GALNT3: variants seen among roughly 807,000 people sequenced by gnomAD.
GALNT3 encodes GalNAc transferase 3.
GALNT3 carries 51 observed loss-of-function variants against 69.8 expected under a neutral mutation model. The ratio of observed to expected loss-of-function variants is 0.73; its 90% CI spans 0.58 to 0.92. The LOEUF (loss-of-function observed/expected upper bound fraction) is 0.92. Among genes scored for constraint, GALNT3 ranks in the 40% least tolerant of loss-of-function variants. The pLI is 0.00. For synonymous variants in GALNT3, 265 were observed against 248.5 expected (o/e 1.07, Z -0.63); for missense variants, 711 against 760.0 (o/e 0.94, Z 0.76).
chr2:165,770,798 A>G lies in GALNT3; in HGVS notation c.-98T>C, dbSNP rs1380162916. ...GATTTGCTGAGAAGAAGGTATCTTT[A>G]ATGGTAGTACCTATAAACAGAAATG... On this transcript the variant is annotated 5_prime_UTR_variant, in exon 2 of 11. Transcript: ENST00000392701. 2.3e-6 allele frequency: 3 copies of G among 1,331,196 alleles called. No individual in the cohort carries two copies. Among genetic ancestry groups the G allele is most frequent in the Non-Finnish European group, 2.1e-6 (2 of 956,490 alleles). 82.5% of individuals were successfully genotyped at this position (1,331,196 alleles called of 1,614,324 possible). A position where few individuals can be genotyped will look rare whatever the true frequency, so the allele number is the denominator to read the frequency against.
intron 9 of GALNT3, among the ~76,000 whole-genome samples, chr2:165,752,623 A>G (rs984029803): frequency 1.3e-5 from 2 of 152,216 alleles, no homozygotes; most frequent in African/African-American, 4.8e-5. Flanking sequence ...TCTTTATGAA[A>G]ATGATAACAG....
intron 2 of GALNT3, among the ~76,000 whole-genome samples, chr2:165,766,594 G>A (rs1025567967): frequency 1.7e-4 from 12 of 70,586 alleles, no homozygotes; most frequent in Non-Finnish European, 4.7e-4. Flanking sequence ...ATAAAACTGT[G>A]TGAGGTTTAT....
In GALNT3 at chr2:165,770,645, T is replaced by C. The variant is rs1164655758; in HGVS notation, c.56A>G (p.Lys19Arg). ...AATTACTGCACCAAGCTTCCAGAAC[T>C]TTTTATGGTAATGTCTTTTAATGTG... ...KLHIKRHYHK[K>R]FWKLGAVIFF... The change falls in exon 2 of 11, where the codon AAG becomes AGG. Residue 19 changes from lysine to arginine, a missense_variant. Coordinates refer to ENST00000392701, the MANE Select transcript of GALNT3 (RefSeq NM_004482.4). 6.2e-7 allele frequency: 1 copy of C among 1,601,042 alleles called. No homozygotes were observed. Among genetic ancestry groups the C allele is most frequent in the East Asian group, 2.2e-5 (1 of 44,790 alleles).
At chr2:165,792,260 T>A (rs1258135705) in intron 1 of GALNT3, among the ~76,000 whole-genome samples, 2 of 152,250 alleles carry the variant, frequency 1.3e-5, no homozygotes, top group Non-Finnish European at 2.9e-5. Context: ...TAGATTAAGT[T>A]ACACTGTTAC....
chr2:165,786,336 T>C (rs75487537), intron 1 of GALNT3, among the ~76,000 whole-genome samples: 1,571 of 152,288 alleles, frequency 0.01, 12 homozygotes, highest in African/African-American at 0.025. Context: ...TTATTGTTGT[T>C]GGAAGTCTTT....
rs1688734429 is a variant in GALNT3, at chr2:165,770,580, CT to C, written c.120del (p.Val41Ter). The C allele has an allele frequency of 5.6e-6, 9 of 1,610,960 alleles. No individual in the cohort carries two copies. Among genetic ancestry groups the C allele is most frequent in the Non-Finnish European group, 7.6e-6 (9 of 1,178,494 alleles). On this transcript the variant is annotated frameshift_variant, in exon 2 of 11. Transcript: ENST00000392701. LOFTEE classifies it high-confidence loss of function. ...FIIVLVLMQR[E>X]VSVQYSKEES... Reference sequence around the variant, plus strand: ...TCCTCTTTGGAATATTGAACACTTACTTCTCTTTGCATTAAAACCAAAACTA... The same window carrying C: ...TCCTCTTTGGAATATTGAACACTTACTCTCTTTGCATTAAAACCAAAACTA...
intron 1 of GALNT3, among the ~76,000 whole-genome samples, chr2:165,791,902 G>GTAAA (rs1683361206): frequency 6.6e-6 from 1 of 152,098 alleles, no homozygotes; most frequent in African/African-American, 2.4e-5. Context: ...AGAAATGAGG[G>GTAAA]TAAATCAGAG....
intron 1 of GALNT3, among the ~76,000 whole-genome samples, chr2:165,781,917 G>T (rs1297338722): frequency 6.6e-6 from 1 of 152,080 alleles, no homozygotes; most frequent in Non-Finnish European, 1.5e-5. Context: ...TAAATTGGCA[G>T]AAAAAGATAT....
intron 3 of GALNT3, among the ~76,000 whole-genome samples, chr2:165,764,031 T>G (rs1422341414): frequency 6.6e-6 from 1 of 152,228 alleles, no homozygotes. Flanking sequence ...GGAATAAATT[T>G]TGTAATCATT....
At chr2:165,758,904 A>C (rs902770019) in intron 5 of GALNT3, 40 bp from the exon 6 acceptor site, 11 of 1,134,898 alleles carry the variant, frequency 9.7e-6, no homozygotes, top group Admixed American at 8.6e-5. Context: ...TATAAAAACT[A>C]AACAAGATAA....
chr2:165,772,493 G>A (rs910600147), intron 1 of GALNT3, among the ~76,000 whole-genome samples: 1 of 148,132 alleles, frequency 6.8e-6, no homozygotes, highest in Non-Finnish European at 1.5e-5. Context: ...GCTGAGGTGG[G>A]AGGATGGCTT....
rs1014084427 is a variant in GALNT3, at chr2:165,750,040, G to A, written c.1627-146C>T. On this transcript the variant is annotated intron_variant, in intron 9 of 10. Transcript: ENST00000392701. ...ATAAAAATAGTTATTAGAAACATAA[G>A]CTGAGTTTTTGTGATAGACGATACA... 3.6e-5 allele frequency: 29 copies of A among 798,546 alleles called. No homozygotes were observed. The Admixed American group carries it at 5.9e-4, about 16-fold the overall frequency. 49.5% of individuals were successfully genotyped at this position (798,546 alleles called of 1,614,324 possible).
At chr2:165,773,639 T>A (rs1250669005) in intron 1 of GALNT3, among the ~76,000 whole-genome samples, 1 of 152,082 alleles carries the variant, frequency 6.6e-6, no homozygotes, top group Admixed American at 6.5e-5. Flanking sequence ...TATATGGGAC[T>A]GGAAATTAGG....
rs1319196597 is a variant in GALNT3 at position 165,759,374 on chromosome 2, A to T, written c.1035T>A (p.His345Gln). ...TTTCATCTTTCCTTCTTTGCTTCTC[A>T]TGATCAGGAAGCGACTCCCAGCCAA... ...LSFGWESLPD[H>Q]EKQRRKDETY... The change falls in exon 5 of 11, where the codon CAT becomes CAA. Residue 345 changes from histidine (H) to glutamine (Q), a missense_variant. Transcript: ENST00000392701. 19 of 1,613,752 alleles carry T rather than the reference A, an allele frequency of 1.2e-5. No homozygotes were observed. The highest frequency in any genetic ancestry group is 1.6e-5 in the Non-Finnish European group (19 of 1,179,806).
At chr2:165,794,628 A>G (rs1683426846), upstream of GALNT3, 1 of 152,266 alleles carries the variant, frequency 6.6e-6, no homozygotes, top group African/African-American at 2.4e-5. Context: ...TCCGAGGACC[A>G]CTTCGGGAGG....
chr2:165,791,456 C>A (rs1428471408), intron 1 of GALNT3, among the ~76,000 whole-genome samples: 1 of 152,026 alleles, frequency 6.6e-6, no homozygotes, highest in Non-Finnish European at 1.5e-5. Context: ...AAAGAACATA[C>A]ATGTTGTAAG....
intron 2 of GALNT3, among the ~76,000 whole-genome samples, chr2:165,767,055 A>G (rs935187270): frequency 6.6e-6 from 1 of 152,192 alleles, no homozygotes; most frequent in Non-Finnish European, 1.5e-5. Flanking sequence ...ATAAATAAAA[A>G]CAAATTATTT....
intron 2 of GALNT3, 87 bp from the exon 3 acceptor site, chr2:165,765,143 G>A (rs1341058875): frequency 9.0e-7 from 1 of 1,106,826 alleles, no homozygotes; most frequent in Non-Finnish European, 1.4e-6. Flanking sequence ...TATCATTATT[G>A]AATCTTTATC....
upstream of GALNT3, chr2:165,794,303 T>TCCCGC (rs1300294302): frequency 6.6e-6 from 1 of 152,430 alleles, no homozygotes; most frequent in Non-Finnish European, 1.5e-5. Flanking sequence ...CGCGCCAGCC[T>TCCCGC]CCCGCCCCGC....
Sources: gnomAD v4.1 joint callset for allele counts (sites outside exome capture counted in the v4.1 genomes callset) on GRCh38, gnomAD v4.1.1 for gene constraint, MANE v1.5 for transcripts, NCBI Gene and HGNC (gene_info 2026-07-23, HGNC 2026-07-21) for gene names.